Variants in CAVIN2 observed in about 807,000 individuals in gnomAD.
The protein encoded by CAVIN2 is caveolae-associated protein 2.
In CAVIN2, 13 loss-of-function variants were observed where a neutral mutation model predicts 11.7. The observed-to-expected ratio is 1.11, with a 90% confidence interval of 0.72 to 1.77. The LOEUF is 1.77. Ranked by LOEUF, CAVIN2 falls within the 40% of genes most tolerant of loss-of-function variation. The pLI is 0.00. For missense variants in CAVIN2, 549 were observed against 542.9 expected, an observed-to-expected ratio of 1.01 and a Z score of -0.11; for synonymous variants, 237 against 223.2, an observed-to-expected ratio of 1.06 and a Z score of -0.55.
intron 1 of CAVIN2, among the ~76,000 whole-genome samples, chr2:191,837,856 C>G (rs369388173): frequency 2.6e-4 from 40 of 152,368 alleles, no homozygotes; most frequent in African/African-American, 8.9e-4. Context: ...AGGCCTGAGT[C>G]TCAGTCTTTG....
In CAVIN2 at chr2:191,842,958, T is replaced by G. The variant is rs559958175; in HGVS notation, c.483+3485A>C. Among the ~76,000 whole-genome samples, 8 of 152,326 alleles carry G rather than the reference T, an allele frequency of 5.3e-5. No individual in the cohort carries two copies. In the South Asian group the frequency reaches 1.4e-3, roughly 28 times the overall value. On this transcript the variant is annotated intron_variant, in intron 1 of 1. Coordinates refer to ENST00000304141, the MANE Select transcript of CAVIN2 (RefSeq NM_004657.6). ...CAGCACTTTGGGAGACTGAGGCGGATGGATCACCTGATGTCAGGAGTTCAA... is the reference window on the plus strand; with the variant it reads ...CAGCACTTTGGGAGACTGAGGCGGAGGGATCACCTGATGTCAGGAGTTCAA...
At chr2:191,838,170 CAA>C (rs1176286223) in intron 1 of CAVIN2, among the ~76,000 whole-genome samples, 1 of 152,194 alleles carries the variant, frequency 6.6e-6, no homozygotes, top group Admixed American at 6.5e-5. Context: ...AAACGTCATG[CAA>C]AGTTTATGTT....
chr2:191,836,154 C>G lies in CAVIN2; in HGVS notation c.1047G>C (p.Gly349=), dbSNP rs771161532. 6.2e-6 allele frequency: 10 copies of G among 1,614,220 alleles called. No homozygotes were observed. The East Asian group carries it at 2.2e-4, about 36-fold the overall frequency. The change falls in exon 2 of 2, where the codon GGG becomes GGC. Residue 349 remains glycine, a synonymous_variant. Transcript: ENST00000304141. ...EASLASALVE[G]EIAEEAAEKA... is the part of the protein sequence containing the mutation. ...TCTCAGCAGCCTCCTCTGCAATTTC[C>G]CCTTCCACCAGAGCGCTGGCGAGGG...
chr2:191,835,786 A>G lies in CAVIN2; in HGVS notation c.*137T>C, dbSNP rs569050096. ...AAAGCCTGGTCTCGTGTGTCTTACTATGACTATATGGTCAATGATTACTGC... is the reference window on the plus strand; with the variant it reads ...AAAGCCTGGTCTCGTGTGTCTTACTGTGACTATATGGTCAATGATTACTGC... On this transcript the variant is annotated 3_prime_UTR_variant, in exon 2 of 2. Transcript: ENST00000304141. 11 of 830,644 alleles carry G rather than the reference A, an allele frequency of 1.3e-5. No homozygotes were observed. In the African/African-American group the frequency reaches 1.5e-4, roughly 12 times the overall value. The allele number at this position is 830,644 out of a possible 1,614,324, so 51.5% of individuals were successfully genotyped here.
rs1690023898 is a variant in CAVIN2, at chr2:191,836,573, G to A, written c.628C>T (p.His210Tyr). ...VDLSSDDDLPHDEEALEDSAE... is the reference protein window; with the variant it reads ...VDLSSDDDLPYDEEALEDSAE... Reference sequence around the variant, plus strand: ...CTGTCTTCCAGGGCCTCCTCATCGTGGGGCAAATCATCATCTGAGGAGAGG... The same window carrying A: ...CTGTCTTCCAGGGCCTCCTCATCGTAGGGCAAATCATCATCTGAGGAGAGG... The change falls in exon 2 of 2, where the codon CAC becomes TAC. Residue 210 changes from histidine (H) to tyrosine (Y), a missense_variant. His to Tyr is a moderately conservative substitution (Grantham distance 83). Coordinates refer to ENST00000304141, the MANE Select transcript of CAVIN2 (RefSeq NM_004657.6). 6.2e-7 allele frequency: 1 copy of A among 1,613,924 alleles called. No individual in the cohort carries two copies. Among genetic ancestry groups the A allele is most frequent in the African/African-American group, 1.3e-5 (1 of 74,868 alleles).
At position 191,846,547 on chromosome 2, in the gene CAVIN2, C is replaced by A; in HGVS notation, c.379G>T (p.Ala127Ser). Residue 127 changes from alanine (A) to serine (S), a missense_variant, in exon 1 of 2, where the codon GCG becomes TCG. Ala to Ser is a moderately conservative substitution (Grantham distance 99). Transcript: ENST00000304141. Reference sequence around the variant, plus strand: ...TGCCTATCCATGCGCTCTTTGACCGCGCGCGTGTGGGCGCTGACCTTGCGG... The same window carrying A: ...TGCCTATCCATGCGCTCTTTGACCGAGCGCGTGTGGGCGCTGACCTTGCGG... The part of the protein sequence containing the change: ...KSRKVSAHTR[A>S]VKERMDRQCA... 1.9e-6 allele frequency: 3 copies of A among 1,614,256 alleles called. No homozygotes were observed. The highest frequency in any genetic ancestry group is 2.5e-6 in the Non-Finnish European group (3 of 1,180,058).
chr2:191,845,779 A>G (rs1261462786), intron 1 of CAVIN2, among the ~76,000 whole-genome samples: 1 of 152,178 alleles, frequency 6.6e-6, no homozygotes, highest in East Asian at 1.9e-4. Context: ...TTTACTTAAC[A>G]GTTGTGGTCT....
chr2:191,844,334 G>A lies in CAVIN2; in HGVS notation c.483+2109C>T, dbSNP rs1301818947. ...AGAAGGAACAAGAGAGTCCACTGAGGGACTGTGCTTGCATTAGTTTTATAC... is the reference window on the plus strand; with the variant it reads ...AGAAGGAACAAGAGAGTCCACTGAGAGACTGTGCTTGCATTAGTTTTATAC... On this transcript the variant is annotated intron_variant, in intron 1 of 1. Coordinates refer to ENST00000304141, the MANE Select transcript of CAVIN2 (RefSeq NM_004657.6). 1.4e-4 allele frequency among the ~76,000 whole-genome samples: 21 copies of A among 152,126 alleles called. 1 individual carries two copies. The highest frequency in any genetic ancestry group is 1.4e-3 in the Admixed American group (21 of 15,274).
At chr2:191,838,238 A>C (rs1690048807) in intron 1 of CAVIN2, among the ~76,000 whole-genome samples, 1 of 152,230 alleles carries the variant, frequency 6.6e-6, no homozygotes, top group African/African-American at 2.4e-5. Flanking sequence ...AAAGATGAAA[A>C]CATGCTTTAA....
chr2:191,836,209 T>C lies in CAVIN2; in HGVS notation c.992A>G (p.Glu331Gly), dbSNP rs779038205. 39 of 1,614,002 alleles carry C rather than the reference T, an allele frequency of 2.4e-5. No individual in the cohort carries two copies. The highest frequency in any genetic ancestry group is 1.1e-4 in the African/African-American group (8 of 74,920). Residue 331 changes from glutamate to glycine, a missense_variant, in exon 2 of 2, where the codon GAG becomes GGG. By Grantham distance (98) the Glu-to-Gly change is moderately conservative (BLOSUM62 -2). Coordinates refer to ENST00000304141, the MANE Select transcript of CAVIN2 (RefSeq NM_004657.6). Reference sequence around the variant, plus strand: ...TTCGGAATGACCCTCTGCAAAGGACTCCTCTTCCTGGTCATTTGGCATCTG... The same window carrying C: ...TTCGGAATGACCCTCTGCAAAGGACCCCTCTTCCTGGTCATTTGGCATCTG... Reference protein sequence around the residue: ...SEQMPNDQEEESFAEGHSEAS... With the variant: ...SEQMPNDQEEGSFAEGHSEAS...
intron 1 of CAVIN2, among the ~76,000 whole-genome samples, chr2:191,842,801 A>G (rs999180297): frequency 2.0e-5 from 3 of 152,258 alleles, no homozygotes; most frequent in Non-Finnish European, 4.4e-5. Context: ...CTTAACAGCT[A>G]TAACAATGTT....
In CAVIN2 at chr2:191,836,390, T is replaced by C; in HGVS notation, c.811A>G (p.Ile271Val). ...KIVSVERREK[I>V]KKSLTSNHQK... ...TGATTTGACGTGAGAGATTTCTTAA[T>C]CTTCTCTCTCCTCTCTACAGATACG... The change falls in exon 2 of 2, where the codon ATT (isoleucine) becomes GTT (valine). Residue 271 changes from isoleucine (I) to valine (V), a missense_variant. Physicochemically the swap from Ile to Val is conservative, Grantham distance 29. Transcript: ENST00000304141. 6.2e-7 allele frequency: 1 copy of C among 1,614,206 alleles called. No individual in the cohort carries two copies. The highest frequency in any genetic ancestry group is 8.5e-7 in the Non-Finnish European group (1 of 1,180,024).
chr2:191,843,218 T>G (rs1690117898), intron 1 of CAVIN2, among the ~76,000 whole-genome samples: 1 of 152,168 alleles, frequency 6.6e-6, no homozygotes, highest in South Asian at 2.1e-4. Context: ...GTAAGTATCT[T>G]CAACCACTAA....
At chr2:191,840,712 T>C (rs1690080773) in intron 1 of CAVIN2, among the ~76,000 whole-genome samples, 1 of 152,160 alleles carries the variant, frequency 6.6e-6, no homozygotes, top group Non-Finnish European at 1.5e-5. Context: ...TGTGTACATA[T>C]CTAAATACCT....
chr2:191,841,627 A>T (rs1690094245), intron 1 of CAVIN2, among the ~76,000 whole-genome samples: 1 of 152,192 alleles, frequency 6.6e-6, no homozygotes, highest in African/African-American at 2.4e-5. Context: ...CTGATACCAA[A>T]TGTGTTTTGT....
intron 1 of CAVIN2, 127 bp downstream of exon 1, chr2:191,846,316 G>A (rs2105738849): frequency 2.6e-6 from 3 of 1,166,912 alleles, no homozygotes; most frequent in Middle Eastern, 2.1e-4. Flanking sequence ...ACAGGGGACA[G>A]TGCCTTGTAT....
At chr2:191,838,674 C>G (rs528627982) in intron 1 of CAVIN2, among the ~76,000 whole-genome samples, 1 of 152,336 alleles carries the variant, frequency 6.6e-6, no homozygotes, top group African/African-American at 2.4e-5. Flanking sequence ...TCCCGTGTTT[C>G]AAGTTGCGGT....
rs1690024703 is a variant in CAVIN2, at chr2:191,836,614, G to C, written c.587C>G (p.Thr196Ser). 1 of 1,614,098 alleles carries C rather than the reference G, an allele frequency of 6.2e-7. No individual in the cohort carries two copies. The highest frequency in any genetic ancestry group is 8.5e-7 in the Non-Finnish European group (1 of 1,180,034). ...LPDENKSLEE[T>S]LHTVDLSSDD... ...TGAGGAGAGGTCCACGGTGTGCAGGGTTTCCTCCAGGGATTTGTTTTCATC... is the reference window on the plus strand; with the variant it reads ...TGAGGAGAGGTCCACGGTGTGCAGGCTTTCCTCCAGGGATTTGTTTTCATC... The change falls in exon 2 of 2, where the codon ACC becomes AGC. Residue 196 changes from threonine (T) to serine (S), a missense_variant. By Grantham distance (58) the Thr-to-Ser change is moderately conservative. Transcript: ENST00000304141.
At chr2:191,838,266 TG>T (rs1202598293) in intron 1 of CAVIN2, among the ~76,000 whole-genome samples, 1 of 152,198 alleles carries the variant, frequency 6.6e-6, no homozygotes, top group Non-Finnish European at 1.5e-5. Flanking sequence ...ACTTTATATT[TG>T]ATACAAAGAC....
Sources: gnomAD v4.1 joint callset for allele counts (sites outside exome capture counted in the v4.1 genomes callset) on GRCh38, gnomAD v4.1.1 for gene constraint, MANE v1.5 for transcripts, NCBI Gene and HGNC (gene_info 2026-07-23, HGNC 2026-07-21) for gene names.